The following PHACTR1 variants were observed in gnomAD, a reference collection of about 807,000 sequenced individuals.
The protein encoded by PHACTR1 is RPEL repeat containing 1.
In PHACTR1, 16 loss-of-function variants were observed where a neutral mutation model predicts 69.2. The ratio of observed to expected loss-of-function variants is 0.23; its 90% CI spans 0.16 to 0.35. The LOEUF (loss-of-function observed/expected upper bound fraction) is 0.35, where lower values mean the gene tolerates loss of function less well. PHACTR1 is among the 10% of genes least tolerant of loss of function. The pLI is 1.00. For synonymous variants in PHACTR1, 312 were observed against 284.5 expected, an observed-to-expected ratio of 1.10 and a Z score of -0.97; for missense variants, 510 against 734.7, an observed-to-expected ratio of 0.69 and a Z score of 3.54.
intron 5 of PHACTR1, among the ~76,000 whole-genome samples, chr6:13,078,041 A>G (rs902016187): frequency 6.6e-6 from 1 of 152,140 alleles, no homozygotes; most frequent in African/African-American, 2.4e-5. Flanking sequence ...ACAATGAAGG[A>G]GAGGTCATCT....
intron 10 of PHACTR1, among the ~76,000 whole-genome samples, chr6:13,265,325 A>G (rs1280504552): frequency 6.7e-6 from 1 of 148,334 alleles, no homozygotes; most frequent in Non-Finnish European, 1.5e-5. Flanking sequence ...GGCCATACCT[A>G]TCATCTTACT....
chr6:12,786,815 T>G (rs1455882133), intron 4 of PHACTR1, among the ~76,000 whole-genome samples: 2 of 152,196 alleles, frequency 1.3e-5, no homozygotes, highest in African/African-American at 4.8e-5. Flanking sequence ...GAAACCATAG[T>G]CATGTATAAA....
At chr6:13,012,941 T>C (rs969665847) in intron 4 of PHACTR1, among the ~76,000 whole-genome samples, 1 of 152,236 alleles carries the variant, frequency 6.6e-6, no homozygotes, top group Non-Finnish European at 1.5e-5. Flanking sequence ...CTCAGGAAAC[T>C]GAGGCAGGAG....
At chr6:13,237,962 A>C (rs1772257734) in intron 10 of PHACTR1, among the ~76,000 whole-genome samples, 1 of 152,238 alleles carries the variant, frequency 6.6e-6, no homozygotes, top group Non-Finnish European at 1.5e-5. Flanking sequence ...CGTTACCCAA[A>C]GGTTGTTATG....
chr6:13,279,588 C>T (rs953894287), intron 12 of PHACTR1: 3 of 152,216 alleles, frequency 2.0e-5, no homozygotes, highest in Non-Finnish European at 4.4e-5. Context: ...CTGCGAGCAT[C>T]CCAAATACCT....
intron 4 of PHACTR1, among the ~76,000 whole-genome samples, chr6:12,768,965 A>G (rs970039124): frequency 1.3e-5 from 2 of 152,156 alleles, no homozygotes; most frequent in African/African-American, 2.4e-5. Context: ...CCAGGCACAG[A>G]AGACAAGTAT....
intron 4 of PHACTR1, among the ~76,000 whole-genome samples, chr6:12,792,812 C>G (rs970990936): frequency 3.3e-5 from 5 of 150,280 alleles, no homozygotes; most frequent in Admixed American, 6.6e-5. Context: ...CTTGATGTTT[C>G]CCACTATGTT....
At chr6:13,272,786 C>T (rs1403991370) in intron 10 of PHACTR1, 74 bp from the exon 11 acceptor site, 32 of 1,613,794 alleles carry the variant, frequency 2.0e-5, no homozygotes, top group Non-Finnish European at 2.5e-5. Flanking sequence ...CATGTATCTG[C>T]AAGGGCCGAG....
chr6:12,748,611 T>C (rs1351943320), intron 3 of PHACTR1, among the ~76,000 whole-genome samples: 1 of 152,202 alleles, frequency 6.6e-6, no homozygotes, highest in African/African-American at 2.4e-5. Context: ...TTCTGCTGTG[T>C]TACAGGTAGG....
chr6:12,972,757 T>C (rs1219209089), intron 4 of PHACTR1, among the ~76,000 whole-genome samples: 1 of 151,710 alleles, frequency 6.6e-6, no homozygotes, highest in African/African-American at 2.4e-5. Flanking sequence ...GTTCAAGCGA[T>C]TCTCCTGTCT....
intron 5 of PHACTR1, among the ~76,000 whole-genome samples, chr6:13,105,749 A>G (rs890971483): frequency 6.6e-6 from 1 of 152,218 alleles, no homozygotes; most frequent in African/African-American, 2.4e-5. Context: ...TAAAGGAAAA[A>G]GCTGAGACAA....
chr6:12,758,259 A>T (rs1767594090), intron 4 of PHACTR1, among the ~76,000 whole-genome samples: 1 of 151,996 alleles, frequency 6.6e-6, no homozygotes, highest in Admixed American at 6.5e-5. Flanking sequence ...CCTGACCAAC[A>T]TGGTGAAACT....
intron 4 of PHACTR1, among the ~76,000 whole-genome samples, chr6:12,813,714 T>C (rs1775271631): frequency 6.6e-6 from 1 of 152,192 alleles, no homozygotes; most frequent in South Asian, 2.1e-4. Flanking sequence ...GGCCAGAGAC[T>C]GCATCAAAAA....
intron 9 of PHACTR1, among the ~76,000 whole-genome samples, chr6:13,229,309 CAAA>C (rs530680533): frequency 6.6e-6 from 1 of 152,076 alleles, no homozygotes; most frequent in African/African-American, 2.4e-5. Flanking sequence ...TTTTGACAAC[CAAA>C]AAATGCCTTG....
In PHACTR1 at chr6:12,927,902, T is replaced by G. The variant is rs73726224; in HGVS notation, c.251-125463T>G. 3.6e-3 allele frequency among the ~76,000 whole-genome samples: 543 copies of G among 152,298 alleles called. 3 individuals carry two copies. Among genetic ancestry groups the G allele is most frequent in the African/African-American group, 0.013 (524 of 41,558 alleles). On this transcript the variant is annotated intron_variant, in intron 4 of 14. Coordinates refer to ENST00000332995, the MANE Select transcript of PHACTR1 (RefSeq NM_030948.6). ...TAAGAGGAATTATCCTCCCGGCAGG[T>G]TAGCACTGCACAGAGTTAAGAGGGC...
rs1562119669 is a variant in PHACTR1, at chr6:13,003,950, C to CATATAT, written c.251-49415_251-49414insATATAT. ...TCTTTTTTTATGGCTCAGTAGTATTCCTATATATATATATGTATATATATA... is the reference window on the plus strand; with the variant it reads ...TCTTTTTTTATGGCTCAGTAGTATTCATATATCTATATATATATATGTATATATATA... On this transcript the variant is annotated intron_variant, in intron 4 of 14. Transcript: ENST00000332995. Among the ~76,000 whole-genome samples the CATATAT allele has an allele frequency of 6.9e-4, 56 of 81,358 alleles. 2 individuals carry two copies. Among genetic ancestry groups the CATATAT allele is most frequent in the Admixed American group, 2.2e-3 (20 of 9,202 alleles). 53.4% of individuals were successfully genotyped at this position (81,358 alleles called of 152,430 possible). A position where few individuals can be genotyped will look rare whatever the true frequency, so the allele number is the denominator to read the frequency against.
At chr6:12,858,643 A>T (rs879799274) in intron 4 of PHACTR1, among the ~76,000 whole-genome samples, 5 of 152,080 alleles carry the variant, frequency 3.3e-5, no homozygotes, top group East Asian at 1.9e-4. Flanking sequence ...AAAAAAATTT[A>T]AAAATTGCAG....
intron 14 of PHACTR1, 25 bp from the exon 15 acceptor site, chr6:13,287,037 CT>C (rs1338396032): frequency 6.2e-7 from 1 of 1,606,336 alleles, no homozygotes; most frequent in African/African-American, 1.3e-5. Context: ...GCCCCTTGGT[CT>C]TGATGTAATT....
intron 4 of PHACTR1, among the ~76,000 whole-genome samples, chr6:12,897,629 C>T (rs1481222391): frequency 6.6e-6 from 1 of 152,170 alleles, no homozygotes; most frequent in Admixed American, 6.5e-5. Context: ...TCCCATTCCA[C>T]TAAGCCCTCT....
Sources: allele counts gnomAD v4.1 joint callset (sites outside exome capture counted in the v4.1 genomes callset), GRCh38; gene constraint gnomAD v4.1.1; transcripts MANE v1.5; gene names NCBI Gene and HGNC (gene_info 2026-07-23, HGNC 2026-07-21).